PRKD1: variants seen among roughly 807,000 people sequenced by gnomAD.
PRKD1 encodes protein kinase D1.
PRKD1 carries 63 observed loss-of-function variants against 95.9 expected under a neutral mutation model. The ratio of observed to expected loss-of-function variants is 0.66; its 90% confidence interval spans 0.54 to 0.81. The LOEUF (loss-of-function observed/expected upper bound fraction) is 0.81. Among genes scored for constraint, PRKD1 ranks in the 30% least tolerant of loss-of-function variants. The probability of loss-of-function intolerance (pLI) is 0.00; values close to 1 mark genes in which losing one functional copy is unlikely to be tolerated. For missense variants in PRKD1, 1,048 were observed against 1,165.3 expected (o/e 0.90, Z 1.47); for synonymous variants, 425 against 423.1 (o/e 1.00, Z -0.05).
intron 4 of PRKD1, among the ~76,000 whole-genome samples, chr14:29,659,458 T>C (rs528241459): frequency 6.6e-6 from 1 of 152,320 alleles, no homozygotes; most frequent in East Asian, 1.9e-4. Flanking sequence ...GGCATGACTC[T>C]GTATATTCCT....
intron 7 of PRKD1, 134 bp downstream of exon 7, chr14:29,636,156 A>ATT: frequency 9.4e-7 from 1 of 1,064,908 alleles, no homozygotes; most frequent in East Asian, 2.4e-5. Context: ...CATTTACAGC[A>ATT]CGCAGTTCAT....
intron 1 of PRKD1, among the ~76,000 whole-genome samples, chr14:29,762,444 G>C (rs1345969698): frequency 2.0e-5 from 3 of 151,996 alleles, no homozygotes; most frequent in Non-Finnish European, 4.4e-5. Context: ...GAACCCCCTG[G>C]AATTCTCAAC....
At chr14:29,879,529 T>C (rs1314010423) in intron 1 of PRKD1, among the ~76,000 whole-genome samples, 1 of 152,214 alleles carries the variant, frequency 6.6e-6, no homozygotes, top group Non-Finnish European at 1.5e-5. Flanking sequence ...GTCTCCTGTA[T>C]GTCTTTATCA....
chr14:29,672,824 G>A (rs1370218068), intron 2 of PRKD1, among the ~76,000 whole-genome samples: 1 of 151,902 alleles, frequency 6.6e-6, no homozygotes, highest in Non-Finnish European at 1.5e-5. Context: ...AGACAAGCAG[G>A]TAACCAGGCC....
chr14:29,859,809 A>G lies in PRKD1; in HGVS notation c.264+67440T>C, dbSNP rs556311737. 8.5e-5 allele frequency among the ~76,000 whole-genome samples: 13 copies of G among 152,294 alleles called. 2 individuals carry two copies. Among genetic ancestry groups the G allele is most frequent in the African/African-American group, 3.1e-4 (13 of 41,558 alleles). ...GGTAGTAAACATTCAAAGCATGCAA[A>G]AAGACGTGGAATTCTTCAGTTGGAG... On this transcript the variant is annotated intron_variant, in intron 1 of 17. Coordinates refer to ENST00000331968, the MANE Select transcript of PRKD1 (RefSeq NM_002742.3).
At chr14:29,777,043 T>A (rs1888795876) in intron 1 of PRKD1, among the ~76,000 whole-genome samples, 1 of 152,166 alleles carries the variant, frequency 6.6e-6, no homozygotes, top group Admixed American at 6.5e-5. Flanking sequence ...CCAGTCAAAC[T>A]AAGCTTTAGA....
chr14:29,867,727 C>A (rs924987315), intron 1 of PRKD1, among the ~76,000 whole-genome samples: 3 of 152,218 alleles, frequency 2.0e-5, no homozygotes, highest in African/African-American at 7.2e-5. Context: ...CAGGGGGTAT[C>A]TGCAGGAAGG....
intron 1 of PRKD1, among the ~76,000 whole-genome samples, chr14:29,755,921 T>C (rs935029315): frequency 3.0e-4 from 45 of 152,284 alleles, no homozygotes; most frequent in African/African-American, 9.9e-4. Context: ...CACACAGTCA[T>C]TGATTTGCAG....
At chr14:29,632,780 G>T in intron 9 of PRKD1, 89 bp downstream of exon 9, 1 of 1,207,610 alleles carries the variant, frequency 8.3e-7, no homozygotes, top group Non-Finnish European at 1.2e-6. Flanking sequence ...AGCCACGTTT[G>T]TTGGATGTAT....
intron 4 of PRKD1, 73 bp downstream of exon 4, chr14:29,663,626 G>T: frequency 6.5e-7 from 1 of 1,537,046 alleles, no homozygotes; most frequent in Non-Finnish European, 9.0e-7. Context: ...CCCTGTCTTG[G>T]ATTGACATTG....
At chr14:29,878,378 AC>A (rs1893382701) in intron 1 of PRKD1, among the ~76,000 whole-genome samples, 1 of 150,672 alleles carries the variant, frequency 6.6e-6, no homozygotes, top group African/African-American at 2.5e-5. Context: ...ACACGGAATT[AC>A]CACATGGCCC....
chr14:29,612,148 A>C (rs1037715722), intron 13 of PRKD1, among the ~76,000 whole-genome samples: 1 of 152,230 alleles, frequency 6.6e-6, no homozygotes, highest in African/African-American at 2.4e-5. Flanking sequence ...AGATGACAGA[A>C]TATCATGTGC....
chr14:29,848,317 C>G (rs1385090647), intron 1 of PRKD1, among the ~76,000 whole-genome samples: 1 of 152,036 alleles, frequency 6.6e-6, no homozygotes, highest in African/African-American at 2.4e-5. Flanking sequence ...CCCTTTCCAT[C>G]AAGCTGAAGT....
chr14:29,694,234 G>A (rs1055333249), intron 2 of PRKD1, among the ~76,000 whole-genome samples: 16 of 152,102 alleles, frequency 1.1e-4, no homozygotes, highest in Non-Finnish European at 1.5e-4. Context: ...CAGTAAAATC[G>A]TTATTGCTAA....
intron 1 of PRKD1, 50 bp from the exon 2 acceptor site, chr14:29,725,724 ATTTTG>A: frequency 6.3e-7 from 1 of 1,579,658 alleles, no homozygotes; most frequent in Non-Finnish European, 8.6e-7. Flanking sequence ...CCTTCCAAAT[ATTTTG>A]TTTTAAATAT....
At chr14:29,656,417 T>A in intron 4 of PRKD1, 2 of 1,442,778 alleles carry the variant, frequency 1.4e-6, no homozygotes, top group Non-Finnish European at 1.9e-6. Flanking sequence ...CAGCGTAATA[T>A]GCTGGTTTGA....
rs141785548 is a variant in PRKD1, at chr14:29,613,001, G to A, written c.1905+11151C>T. On this transcript the variant is annotated intron_variant, in intron 13 of 17. Coordinates refer to ENST00000331968, the MANE Select transcript of PRKD1 (RefSeq NM_002742.3). Reference sequence around the variant, plus strand: ...TAGTCCCAGCTACTCGGGAGGCTGAGGCAGGAGAATGGCGTGAACTCGGGA... The same window carrying A: ...TAGTCCCAGCTACTCGGGAGGCTGAAGCAGGAGAATGGCGTGAACTCGGGA... Among the ~76,000 whole-genome samples the A allele has an allele frequency of 7.8e-3, 1,193 of 152,238 alleles. 18 individuals are homozygous for A. Among genetic ancestry groups the A allele is most frequent in the African/African-American group, 0.027 (1,115 of 41,542 alleles).
chr14:29,916,065 G>A (rs1231286471), intron 1 of PRKD1, among the ~76,000 whole-genome samples: 1 of 152,176 alleles, frequency 6.6e-6, no homozygotes, highest in East Asian at 1.9e-4. Flanking sequence ...GCTCCCCTCT[G>A]CTGGCCATTG....
intron 13 of PRKD1, among the ~76,000 whole-genome samples, chr14:29,611,161 G>A (rs1878431620): frequency 6.6e-6 from 1 of 152,164 alleles, no homozygotes. Flanking sequence ...TAATTATGAT[G>A]TGTTAAGGTG....
Sources: gnomAD v4.1 joint callset for allele counts (sites outside exome capture counted in the v4.1 genomes callset) on GRCh38, gnomAD v4.1.1 for gene constraint, MANE v1.5 for transcripts, NCBI Gene and HGNC (gene_info 2026-07-23, HGNC 2026-07-21) for gene names.